Variants in FOXP1 observed in about 807,000 individuals in gnomAD.
The protein encoded by FOXP1 is forkhead box protein P1.
In FOXP1, 15 loss-of-function variants were observed where a neutral mutation model predicts 98.2. The observed-to-expected ratio is 0.15, with a 90% CI of 0.10 to 0.24. The LOEUF is 0.24. Among genes scored for constraint, FOXP1 ranks in the 10% least tolerant of loss-of-function variants. The pLI is 1.00. For missense variants in FOXP1, 633 were observed against 848.5 expected (o/e 0.75, Z 3.15); for synonymous variants, 371 against 314.5 (o/e 1.18, Z -1.90).
intron 2 of FOXP1, among the ~76,000 whole-genome samples, chr3:71,541,408 A>G (rs1393612957): frequency 1.3e-5 from 2 of 152,216 alleles, no homozygotes; most frequent in African/African-American, 2.4e-5. Flanking sequence ...TGGCTGGTCC[A>G]TATTTCTAAA....
intron 13 of FOXP1, among the ~76,000 whole-genome samples, chr3:70,989,013 T>C (rs1194067653): frequency 6.6e-6 from 1 of 152,196 alleles, no homozygotes; most frequent in Admixed American, 6.5e-5. Flanking sequence ...CTTTGGTACA[T>C]CATTTGTCCA....
chr3:71,404,450 A>T (rs1243641551), intron 3 of FOXP1, among the ~76,000 whole-genome samples: 1 of 151,824 alleles, frequency 6.6e-6, no homozygotes, highest in Admixed American at 6.6e-5. Context: ...TCTTTTGGAA[A>T]CAAGACTTTA....
chr3:70,996,509 A>C (rs1305755051), intron 13 of FOXP1, among the ~76,000 whole-genome samples: 1 of 152,208 alleles, frequency 6.6e-6, no homozygotes, highest in African/African-American at 2.4e-5. Flanking sequence ...TATGGCTAAC[A>C]GTAGTTATTT....
rs1469247408 is a variant in FOXP1 at position 71,434,380 on chromosome 3, C to T, written c.-168+59046G>A. Among the ~76,000 whole-genome samples the T allele has an allele frequency of 3.3e-5, 5 of 152,112 alleles. No individual in the cohort carries two copies. In the East Asian group the frequency reaches 7.7e-4, roughly 23 times the overall value. On this transcript the variant is annotated intron_variant, in intron 3 of 20. Coordinates refer to ENST00000649528, the MANE Select transcript of FOXP1 (RefSeq NM_001349338.3). ...CCTGCAGGCTGCACCTCTTGCTGTC[C>T]CTCCCAAGTCCCTCTTGCTGCAAGC...
intron 11 of FOXP1, among the ~76,000 whole-genome samples, chr3:71,035,819 C>G (rs999294173): frequency 6.6e-6 from 1 of 151,792 alleles, no homozygotes; most frequent in African/African-American, 2.4e-5. Flanking sequence ...ATAATGGGAG[C>G]TAGAGTTTAC....
At chr3:71,041,570 G>A (rs1049611807) in intron 10 of FOXP1, 38 bp from the exon 11 acceptor site, 1 of 1,567,200 alleles carries the variant, frequency 6.4e-7, no homozygotes, top group Non-Finnish European at 8.8e-7. Flanking sequence ...TCAATTAACA[G>A]CTAATTCCGT....
chr3:71,505,287 G>A (rs181579518), intron 2 of FOXP1, among the ~76,000 whole-genome samples: 21 of 152,164 alleles, frequency 1.4e-4, no homozygotes, highest in African/African-American at 4.6e-4. Context: ...AAGGACCCAA[G>A]TCACCCCTGG....
chr3:71,151,723 G>A (rs1411840741), intron 6 of FOXP1, among the ~76,000 whole-genome samples: 2 of 149,312 alleles, frequency 1.3e-5, no homozygotes, highest in African/African-American at 4.9e-5. Flanking sequence ...ACCTTGCACG[G>A]AAAATCTGCC....
chr3:71,178,155 TG>T (rs1157903349), intron 6 of FOXP1, among the ~76,000 whole-genome samples: 3 of 144,882 alleles, frequency 2.1e-5, no homozygotes, highest in African/African-American at 5.2e-5. Context: ...TTTTTTTTTT[TG>T]AGAGAGTCTT....
intron 7 of FOXP1, among the ~76,000 whole-genome samples, chr3:71,077,226 G>A (rs1420970241): frequency 6.6e-6 from 1 of 152,136 alleles, no homozygotes; most frequent in Non-Finnish European, 1.5e-5. Flanking sequence ...GCATAGTCAA[G>A]GCTACCACTG....
At chr3:70,973,835 G>GCCCCCCCCCACCCCCCCCCCC (rs2036891572) in intron 17 of FOXP1, among the ~76,000 whole-genome samples, 1 of 36,692 alleles carries the variant, frequency 2.7e-5, no homozygotes, top group Non-Finnish European at 5.7e-5. Flanking sequence ...TTTGCACACC[G>GCCCCCCCCCACCCCCCCCCCC]CCCCCCCCCC....
intron 6 of FOXP1, among the ~76,000 whole-genome samples, chr3:71,120,282 AG>A (rs1217779780): frequency 2.0e-5 from 3 of 152,212 alleles, no homozygotes; most frequent in Non-Finnish European, 4.4e-5. Flanking sequence ...CCCCAAAAGC[AG>A]GTGCAGTAGA....
intron 3 of FOXP1, among the ~76,000 whole-genome samples, chr3:71,401,853 C>T (rs529469691): frequency 1.3e-5 from 2 of 152,316 alleles, no homozygotes; most frequent in Non-Finnish European, 2.9e-5. Context: ...CTGTCTGTTA[C>T]AAGACACCGG....
intron 17 of FOXP1, among the ~76,000 whole-genome samples, chr3:70,976,557 G>C (rs1000505872): frequency 6.6e-6 from 1 of 152,130 alleles, no homozygotes; most frequent in Non-Finnish European, 1.5e-5. Flanking sequence ...TCCATCTCTG[G>C]AGATAGATCG....
intron 6 of FOXP1, among the ~76,000 whole-genome samples, chr3:71,182,042 A>AC (rs2062334282): frequency 8.5e-6 from 1 of 117,388 alleles, no homozygotes; most frequent in African/African-American, 3.6e-5. Context: ...CTCAAAAAAA[A>AC]GAAAAAAAAG....
intron 7 of FOXP1, among the ~76,000 whole-genome samples, chr3:71,078,339 A>G (rs968004907): frequency 6.6e-6 from 1 of 152,198 alleles, no homozygotes; most frequent in African/African-American, 2.4e-5. Context: ...TTTTGATGAC[A>G]ATTTTATGAC....
intron 7 of FOXP1, among the ~76,000 whole-genome samples, chr3:71,109,681 A>C (rs1365059273): frequency 6.6e-6 from 1 of 152,186 alleles, no homozygotes; most frequent in Admixed American, 6.5e-5. Flanking sequence ...TCCTTCTGTG[A>C]ATCACCAGTC....
At chr3:71,060,372 C>T (rs2051311038) in intron 7 of FOXP1, among the ~76,000 whole-genome samples, 2 of 152,098 alleles carry the variant, frequency 1.3e-5, no homozygotes, top group Admixed American at 6.5e-5. Flanking sequence ...ACATCACTTG[C>T]TTCTTTGACA....
At chr3:70,973,316 C>G (rs1036149625) in intron 17 of FOXP1, among the ~76,000 whole-genome samples, 51 of 131,792 alleles carry the variant, frequency 3.9e-4, no homozygotes, top group Non-Finnish European at 9.3e-5. Context: ...TGAGAGTTGG[C>G]CCTAACTATC....
Sources: allele counts gnomAD v4.1 joint callset (sites outside exome capture counted in the v4.1 genomes callset), GRCh38; gene constraint gnomAD v4.1.1; transcripts MANE v1.5; gene names NCBI Gene and HGNC (gene_info 2026-07-23, HGNC 2026-07-21).